UBR1: variants seen among roughly 807,000 people sequenced by gnomAD.
The protein encoded by UBR1 is E3 ubiquitin-protein ligase UBR1.
UBR1 carries 102 observed loss-of-function variants against 242.1 expected under a neutral mutation model. That is an observed-to-expected ratio of 0.42 (90% CI 0.36 to 0.50). The LOEUF is 0.50. Ranked by LOEUF, UBR1 falls within the 20% of genes least tolerant of loss-of-function variation. UBR1 has a pLI of 0.01. For missense variants in UBR1, 1,772 were observed against 2,101.8 expected, an observed-to-expected ratio of 0.84 and a Z score of 3.07; for synonymous variants, 675 against 684.8, an observed-to-expected ratio of 0.99 and a Z score of 0.22.
intron 32 of UBR1, among the ~76,000 whole-genome samples, chr15:43,000,988 C>G (rs530409820): frequency 6.6e-6 from 1 of 152,110 alleles, no homozygotes; most frequent in Admixed American, 6.5e-5. Context: ...CATGTGCCAC[C>G]ATGCCAGGCT....
chr15:42,950,116 G>A, intron 46 of UBR1, 146 bp downstream of exon 46: 1 of 777,602 alleles, frequency 1.3e-6, no homozygotes, highest in Non-Finnish European at 2.2e-6. Flanking sequence ...TAGGAATACA[G>A]GTATAAGCCA....
intron 39 of UBR1, among the ~76,000 whole-genome samples, chr15:42,970,931 T>C (rs2032195358): frequency 6.6e-6 from 1 of 152,134 alleles, no homozygotes; most frequent in African/African-American, 2.4e-5. Flanking sequence ...GTCAGGCTGG[T>C]CTTGAAATCC....
chr15:42,953,570 C>T (rs536423386), intron 44 of UBR1, among the ~76,000 whole-genome samples: 1 of 152,178 alleles, frequency 6.6e-6, no homozygotes, highest in Non-Finnish European at 1.5e-5. Flanking sequence ...TAATTATAGC[C>T]CTTTTTGGAT....
intron 15 of UBR1, among the ~76,000 whole-genome samples, chr15:43,041,139 C>T (rs984425388): frequency 1.3e-5 from 2 of 152,174 alleles, no homozygotes; most frequent in African/African-American, 4.8e-5. Context: ...AAGACACATG[C>T]ACACGTATGT....
rs144190668 is a variant in UBR1, at chr15:43,036,215, G to A, written c.2153C>T (p.Ala718Val). The change falls in exon 19 of 47, where the codon GCC becomes GTC. Residue 718 changes from alanine to valine, a missense_variant. Physicochemically the swap from Ala to Val is moderately conservative, Grantham distance 64 (BLOSUM62 0). Coordinates refer to ENST00000290650, the MANE Select transcript of UBR1 (RefSeq NM_174916.3). ...AGATATGGTCTTGTTAAAAGCCTCGGCAAGTTCATACCTCTGAAGTACCAG... is the reference window on the plus strand; with the variant it reads ...AGATATGGTCTTGTTAAAAGCCTCGACAAGTTCATACCTCTGAAGTACCAG... ...LLLVLQRYEL[A>V]EAFNKTISTK... 1 of 1,613,644 alleles carries A rather than the reference G, an allele frequency of 6.2e-7. No individual in the cohort carries two copies. Among genetic ancestry groups the A allele is most frequent in the East Asian group, 2.2e-5 (1 of 44,768 alleles).
intron 14 of UBR1, among the ~76,000 whole-genome samples, chr15:43,044,611 G>A (rs760465152): frequency 2.6e-5 from 4 of 152,150 alleles, no homozygotes; most frequent in African/African-American, 9.7e-5. Flanking sequence ...ATTCAGTAGC[G>A]GCTGGGCGCA....
chr15:42,945,521 C>T lies in UBR1; in HGVS notation c.5109-51G>A, dbSNP rs1348615631. 5 of 1,604,560 alleles carry T rather than the reference C, an allele frequency of 3.1e-6. 1 individual carries two copies. The African/African-American group carries it at 4.0e-5, about 13-fold the overall frequency. ...ATGTAAGTTTGAATCTAGTAACTGCCACATCTTTATTGTCTAAATTAGTAT... is the reference window on the plus strand; with the variant it reads ...ATGTAAGTTTGAATCTAGTAACTGCTACATCTTTATTGTCTAAATTAGTAT... On this transcript the variant is annotated intron_variant, in intron 46 of 46. Transcript: ENST00000290650.
chr15:43,099,171 T>A (rs1293588767), intron 1 of UBR1, among the ~76,000 whole-genome samples: 1 of 151,956 alleles, frequency 6.6e-6, no homozygotes, highest in Non-Finnish European at 1.5e-5. Context: ...ATCCCGTCTC[T>A]ACTAAAAATA....
intron 29 of UBR1, among the ~76,000 whole-genome samples, chr15:43,014,345 C>A (rs563150431): frequency 6.6e-6 from 1 of 151,762 alleles, no homozygotes; most frequent in African/African-American, 2.4e-5. Context: ...GGCCGCGCAT[C>A]GTCTGGGATG....
At chr15:42,971,543 T>C (rs2141263303) in intron 39 of UBR1, among the ~76,000 whole-genome samples, 1 of 152,348 alleles carries the variant, frequency 6.6e-6, no homozygotes, top group Non-Finnish European at 1.5e-5. Flanking sequence ...AATGCTTTTG[T>C]TTATGTATTA....
intron 17 of UBR1, among the ~76,000 whole-genome samples, chr15:43,036,924 T>C (rs2033344624): frequency 7.3e-6 from 1 of 137,094 alleles, no homozygotes; most frequent in Non-Finnish European, 1.5e-5. Context: ...ATTTTTTTCT[T>C]TTTTTTTTTT....
intron 20 of UBR1, 64 bp from the exon 21 acceptor site, chr15:43,030,132 C>T: frequency 6.5e-7 from 1 of 1,547,774 alleles, no homozygotes; most frequent in South Asian, 1.1e-5. Context: ...AATCTCTCCC[C>T]ATCAGAAGCA....
Position 43,007,263 on chromosome 15 carries a change from G to A in UBR1, c.3231C>T (p.Tyr1077=). The change falls in exon 30 of 47, where the codon TAC becomes TAT. Residue 1077 remains tyrosine, a synonymous_variant. Coordinates refer to ENST00000290650, the MANE Select transcript of UBR1 (RefSeq NM_174916.3). The part of the protein sequence containing the change: ...EEESTPAVSD[Y]SRIALGPKRG... ...GTTTAGGACCCAAAGCAATTCTAGA[G>A]TAGTCACTGACTGCTGGGGTGCTAC... 6.2e-7 allele frequency: 1 copy of A among 1,614,110 alleles called. No homozygotes were observed. The highest frequency in any genetic ancestry group is 8.5e-7 in the Non-Finnish European group (1 of 1,180,016).
chr15:42,966,598 A>T (rs918841121), intron 40 of UBR1, among the ~76,000 whole-genome samples: 52 of 151,888 alleles, frequency 3.4e-4, no homozygotes, highest in African/African-American at 1.2e-3. Flanking sequence ...GAACTGCTTG[A>T]ACCCAGGAGG....
rs367696800 is a variant in UBR1, at chr15:43,086,186, A to G, written c.136T>C (p.Leu46=). The G allele has an allele frequency of 4.0e-5, 65 of 1,613,900 alleles. No homozygotes were observed. The highest frequency in any genetic ancestry group is 5.0e-5 in the Non-Finnish European group (59 of 1,179,962). The change falls in exon 2 of 47, where the codon TTG becomes CTG. Residue 46 remains leucine (L), a synonymous_variant. Coordinates refer to ENST00000290650, the MANE Select transcript of UBR1 (RefSeq NM_174916.3). ...YTAFLHHLAQ[L]VPEIYFAEMD... ...TCAGCAAAGTAAATTTCTGGCACCA[A>G]TTGTGCCAAATGATGCAAGAAAGCA...
intron 18 of UBR1, 55 bp from the exon 19 acceptor site, chr15:43,036,334 G>T: frequency 6.6e-7 from 1 of 1,507,056 alleles, no homozygotes; most frequent in Non-Finnish European, 9.2e-7. Context: ...GAAACATTTT[G>T]TCTCATGTAG....
intron 1 of UBR1, among the ~76,000 whole-genome samples, chr15:43,096,109 A>G (rs2034155634): frequency 6.6e-6 from 1 of 152,012 alleles, no homozygotes; most frequent in African/African-American, 2.4e-5. Flanking sequence ...TCTTCCCTCA[A>G]TATTAATGGC....
chr15:43,097,736 C>T (rs1324947367), intron 1 of UBR1, among the ~76,000 whole-genome samples: 3 of 152,240 alleles, frequency 2.0e-5, no homozygotes, highest in Admixed American at 2.0e-4. Flanking sequence ...TCACTTCTCT[C>T]AGCCTTCGGA....
chr15:43,047,122 C>A (rs373657446), intron 14 of UBR1, 39 bp downstream of exon 14: 1 of 1,612,326 alleles, frequency 6.2e-7, no homozygotes, highest in Non-Finnish European at 8.5e-7. Context: ...TTACTAAGAA[C>A]TTAAAAAGGC....
Sources: allele counts gnomAD v4.1 joint callset (sites outside exome capture counted in the v4.1 genomes callset), GRCh38; gene constraint gnomAD v4.1.1; transcripts MANE v1.5; gene names NCBI Gene and HGNC (gene_info 2026-07-23, HGNC 2026-07-21).